Variants in BRINP1 observed in about 807,000 individuals in gnomAD.
BRINP1 encodes BMP/retinoic acid-inducible neural-specific protein 1.
BRINP1 carries 17 observed loss-of-function variants against 72.9 expected under a neutral mutation model. The observed-to-expected ratio is 0.23, with a 90% CI of 0.16 to 0.35. The LOEUF is 0.35. Ranked by LOEUF, BRINP1 falls within the 10% of genes least tolerant of loss-of-function variation. The pLI, the probability that BRINP1 is intolerant of heterozygous loss-of-function variation, is 1.00. For synonymous variants in BRINP1, 418 were observed against 378.5 expected (o/e 1.10, Z -1.21); for missense variants, 850 against 1,001.6 (o/e 0.85, Z 2.04).
At chr9:119,333,073 T>G (rs560620148) in intron 1 of BRINP1, among the ~76,000 whole-genome samples, 1 of 151,918 alleles carries the variant, frequency 6.6e-6, no homozygotes, top group African/African-American at 2.4e-5. Flanking sequence ...TAATTCACAT[T>G]AAACTGTCAG....
intron 2 of BRINP1, among the ~76,000 whole-genome samples, chr9:119,282,355 G>A (rs1830720662): frequency 6.6e-6 from 1 of 152,168 alleles, no homozygotes; most frequent in African/African-American, 2.4e-5. Context: ...AAGTAGCATG[G>A]GATCCCTTCC....
intron 1 of BRINP1, among the ~76,000 whole-genome samples, chr9:119,324,985 A>G (rs566279858): frequency 2.0e-5 from 3 of 152,208 alleles, no homozygotes; most frequent in African/African-American, 7.2e-5. Context: ...CTGTAATCCC[A>G]GCTACTCGGG....
chr9:119,314,001 T>C (rs1279877143), intron 1 of BRINP1, among the ~76,000 whole-genome samples: 9 of 152,240 alleles, frequency 5.9e-5, no homozygotes, highest in Non-Finnish European at 4.4e-5. Context: ...AGTCTTGTGA[T>C]GGATTATCAT....
At chr9:119,277,348 T>C (rs1176413543) in intron 2 of BRINP1, among the ~76,000 whole-genome samples, 1 of 152,166 alleles carries the variant, frequency 6.6e-6, no homozygotes, top group African/African-American at 2.4e-5. Flanking sequence ...CAGGCATTGG[T>C]TGGTCAAAGT....
chr9:119,330,312 A>G (rs949829967), intron 1 of BRINP1, among the ~76,000 whole-genome samples: 5 of 151,774 alleles, frequency 3.3e-5, no homozygotes, highest in African/African-American at 7.3e-5. Flanking sequence ...TACTTTCCAA[A>G]CTCACCTCAC....
intron 1 of BRINP1, among the ~76,000 whole-genome samples, chr9:119,345,108 C>T (rs1400709798): frequency 6.6e-6 from 1 of 152,158 alleles, no homozygotes; most frequent in Non-Finnish European, 1.5e-5. Context: ...CACCCAAAAC[C>T]CCTGTCTCAT....
intron 2 of BRINP1, among the ~76,000 whole-genome samples, chr9:119,298,359 G>C (rs1830903025): frequency 6.6e-6 from 1 of 152,158 alleles, no homozygotes; most frequent in Non-Finnish European, 1.5e-5. Flanking sequence ...GGCAGGTAAA[G>C]ATAAATTCCT....
intron 2 of BRINP1, among the ~76,000 whole-genome samples, chr9:119,294,285 C>T (rs544187445): frequency 7.2e-4 from 109 of 152,296 alleles, no homozygotes; most frequent in African/African-American, 2.6e-3. Flanking sequence ...AATCCCAGCA[C>T]TTTGGGAGGC....
At chr9:119,183,107 G>A (rs1428287424) in intron 7 of BRINP1, among the ~76,000 whole-genome samples, 2 of 152,182 alleles carry the variant, frequency 1.3e-5, no homozygotes, top group Admixed American at 6.5e-5. Context: ...AAAACTGGAA[G>A]TATGTATTAA....
chr9:119,249,853 AGGGAGGGAGGGAGGGAGGGAG>A (rs1564228548), intron 2 of BRINP1, among the ~76,000 whole-genome samples: 1 of 49,934 alleles, frequency 2.0e-5, no homozygotes, highest in Non-Finnish European at 3.5e-5. Flanking sequence ...GAAGGAAGGA[AGGGAGGGAGGGAGGGAGGGAG>A]GGAAGGGAGG....
At chr9:119,195,381 A>G (rs1465003575) in intron 7 of BRINP1, among the ~76,000 whole-genome samples, 1 of 152,242 alleles carries the variant, frequency 6.6e-6, no homozygotes, top group Non-Finnish European at 1.5e-5. Flanking sequence ...CAGGATAATG[A>G]GTATTACTTT....
At chr9:119,302,696 G>A (rs1398001739) in intron 2 of BRINP1, among the ~76,000 whole-genome samples, 1 of 152,114 alleles carries the variant, frequency 6.6e-6, no homozygotes, top group East Asian at 1.9e-4. Context: ...TTACTTGCAA[G>A]CTCAAGAACA....
At chr9:119,280,764 T>C (rs981338314) in intron 2 of BRINP1, among the ~76,000 whole-genome samples, 1 of 152,162 alleles carries the variant, frequency 6.6e-6, no homozygotes. Flanking sequence ...AATAGCAATC[T>C]AGTGTGAAGA....
intron 7 of BRINP1, among the ~76,000 whole-genome samples, chr9:119,171,601 G>C (rs1829411387): frequency 7.5e-6 from 1 of 134,000 alleles, no homozygotes; most frequent in Non-Finnish European, 1.6e-5. Flanking sequence ...AGGATACCCA[G>C]GAATTGAACT....
chr9:119,350,821 A>C (rs1351229651), intron 1 of BRINP1, among the ~76,000 whole-genome samples: 1 of 152,132 alleles, frequency 6.6e-6, no homozygotes, highest in Non-Finnish European at 1.5e-5. Flanking sequence ...TCAAATATAT[A>C]TAAAAATGTA....
At chr9:119,175,265 A>T (rs541586122) in intron 7 of BRINP1, among the ~76,000 whole-genome samples, 14 of 151,732 alleles carry the variant, frequency 9.2e-5, no homozygotes, top group Admixed American at 6.6e-4. Flanking sequence ...ACTAACAAAC[A>T]TAAGAACAGA....
chr9:119,350,437 C>T (rs911782153), intron 1 of BRINP1, among the ~76,000 whole-genome samples: 3 of 152,150 alleles, frequency 2.0e-5, no homozygotes, highest in African/African-American at 4.8e-5. Flanking sequence ...TTGCCGCTCT[C>T]TATCTCTTGG....
chr9:119,241,109 C>T (rs1039893399), intron 4 of BRINP1, among the ~76,000 whole-genome samples: 9 of 152,192 alleles, frequency 5.9e-5, no homozygotes, highest in African/African-American at 2.2e-4. Flanking sequence ...ATTGAAAGTC[C>T]AGGGCTGCTT....
intron 2 of BRINP1, among the ~76,000 whole-genome samples, chr9:119,254,458 TCC>T (rs1409989786): frequency 6.6e-6 from 1 of 151,950 alleles, no homozygotes; most frequent in Non-Finnish European, 1.5e-5. Flanking sequence ...AATGCAAAGG[TCC>T]TGGGGTGGAA....
Sources: gnomAD v4.1 joint callset for allele counts (sites outside exome capture counted in the v4.1 genomes callset) on GRCh38, gnomAD v4.1.1 for gene constraint, MANE v1.5 for transcripts, NCBI Gene and HGNC (gene_info 2026-07-23, HGNC 2026-07-21) for gene names.